SLCO1B1: variants seen among roughly 807,000 people sequenced by gnomAD.
The protein encoded by SLCO1B1 is solute carrier organic anion transporter family member 1B1.
A neutral mutation model predicts 70.1 loss-of-function variants in SLCO1B1; 81 were observed. That is an observed-to-expected ratio of 1.16 (90% CI 0.97 to 1.39). The LOEUF (loss-of-function observed/expected upper bound fraction) is 1.39. SLCO1B1 is among the 40% of genes most tolerant of loss of function. The pLI is 0.00. For missense variants in SLCO1B1, 895 were observed against 799.6 expected (o/e 1.12, Z -1.44); for synonymous variants, 283 against 271.5 (o/e 1.04, Z -0.42).
intron 14 of SLCO1B1, among the ~76,000 whole-genome samples, chr12:21,225,351 T>G (rs906268749): frequency 2.6e-5 from 4 of 152,070 alleles, no homozygotes; most frequent in African/African-American, 4.8e-5. Context: ...TGGGGAGAGA[T>G]ATTCCGTAAG....
At chr12:21,168,480 C>G (rs148075559) in intron 2 of SLCO1B1, among the ~76,000 whole-genome samples, 190 of 152,240 alleles carry the variant, frequency 1.2e-3, no homozygotes, top group African/African-American at 4.5e-3. Context: ...CCTCCAAACT[C>G]TTTTTCATGA....
chr12:21,137,343 T>C (rs887087837), intron 1 of SLCO1B1, among the ~76,000 whole-genome samples: 3 of 152,184 alleles, frequency 2.0e-5, no homozygotes, highest in African/African-American at 7.2e-5. Flanking sequence ...GGAGAACCAC[T>C]GCTCTCTTCA....
intron 11 of SLCO1B1, among the ~76,000 whole-genome samples, chr12:21,211,875 G>A (rs1263977819): frequency 6.6e-6 from 1 of 151,346 alleles, no homozygotes; most frequent in Non-Finnish European, 1.5e-5. Flanking sequence ...TTCTCTGATG[G>A]TAGTTTGTAT....
intron 7 of SLCO1B1, among the ~76,000 whole-genome samples, chr12:21,191,101 T>C (rs1050760135): frequency 3.3e-5 from 5 of 152,198 alleles, no homozygotes; most frequent in African/African-American, 1.2e-4. Context: ...TCTTTCTCAA[T>C]GCTTTTTTGG....
At chr12:21,147,042 TC>T (rs1940395738) in intron 2 of SLCO1B1, among the ~76,000 whole-genome samples, 1 of 152,164 alleles carries the variant, frequency 6.6e-6, no homozygotes, top group South Asian at 2.1e-4. Context: ...CATAGTGTAT[TC>T]ATTTATTTCT....
In SLCO1B1 at chr12:21,152,533, C is replaced by CTTTTTTT. The variant is rs71043250; in HGVS notation, c.84+10887_84+10893dup. ...TTGCTAAGGTGTGGGAGAGGAGAGG[C>CTTTTTTT]TTTTTTTTTTTTTTTTTTGCCTCTG... On this transcript the variant is annotated intron_variant, in intron 2 of 14. Coordinates refer to ENST00000256958, the MANE Select transcript of SLCO1B1 (RefSeq NM_006446.5). 1.7e-3 allele frequency among the ~76,000 whole-genome samples: 57 copies of CTTTTTTT among 34,342 alleles called. 15 individuals carry two copies. Among genetic ancestry groups the CTTTTTTT allele is most frequent in the African/African-American group, 3.4e-3 (32 of 9,524 alleles). The allele number at this position is 34,342 out of a possible 152,430, so 22.5% of individuals were successfully genotyped here.
At chr12:21,146,210 T>C (rs769536648) in intron 2 of SLCO1B1, among the ~76,000 whole-genome samples, 2 of 152,156 alleles carry the variant, frequency 1.3e-5, no homozygotes, top group Non-Finnish European at 2.9e-5. Context: ...GTCTATTTTA[T>C]ATAGGTTATC....
At chr12:21,168,501 A>C (rs995274798) in intron 2 of SLCO1B1, among the ~76,000 whole-genome samples, 8 of 152,144 alleles carry the variant, frequency 5.3e-5, no homozygotes, top group Middle Eastern at 3.2e-3. Flanking sequence ...AAGCTGAACC[A>C]TTTTATATTT....
intron 8 of SLCO1B1, among the ~76,000 whole-genome samples, chr12:21,198,193 C>G (rs372260165): frequency 1.6e-4 from 25 of 152,036 alleles, no homozygotes; most frequent in African/African-American, 6.0e-4. Flanking sequence ...CAGTGGTGTT[C>G]TGGTACTCTT....
chr12:21,184,987 A>C (rs186613298), intron 7 of SLCO1B1, among the ~76,000 whole-genome samples: 1 of 152,324 alleles, frequency 6.6e-6, no homozygotes, highest in Non-Finnish European at 1.5e-5. Flanking sequence ...AACAGACATT[A>C]AACCAAAAAC....
chr12:21,162,508 C>G (rs1439847888), intron 2 of SLCO1B1, among the ~76,000 whole-genome samples: 1 of 152,082 alleles, frequency 6.6e-6, no homozygotes, highest in African/African-American at 2.4e-5. Context: ...AATAAAGCTT[C>G]AGTAAGGAGG....
intron 2 of SLCO1B1, among the ~76,000 whole-genome samples, chr12:21,164,158 T>C (rs1338687601): frequency 4.6e-5 from 7 of 152,160 alleles, no homozygotes; most frequent in Admixed American, 4.6e-4. Context: ...AATCATTCCT[T>C]AGTAAATTTC....
chr12:21,139,435 T>G (rs1940276733), intron 1 of SLCO1B1, among the ~76,000 whole-genome samples: 1 of 152,154 alleles, frequency 6.6e-6, no homozygotes, highest in Non-Finnish European at 1.5e-5. Context: ...TGTATGGGTT[T>G]CTGTATTCAA....
In SLCO1B1 at chr12:21,178,926, A is replaced by G. The variant is rs201722521; in HGVS notation, c.633A>G (p.Ile211Met). Residue 211 changes from isoleucine (I) to methionine (M), a missense_variant, in exon 7 of 15, where the codon ATA (isoleucine) becomes ATG (methionine). Coordinates refer to ENST00000256958, the MANE Select transcript of SLCO1B1 (RefSeq NM_006446.5). ...ATTGCTTTATAATATTTTCAGGTAT[A>G]TTGAATGCAATAGCAATGATTGGTC... ...KEGHSSLYLG[I>M]LNAIAMIGPI... 2,765 of 1,604,758 alleles carry G rather than the reference A, an allele frequency of 1.7e-3. 72 individuals carry two copies. In the South Asian group the frequency reaches 0.029, roughly 17 times the overall value.
intron 6 of SLCO1B1, 51 bp downstream of exon 6, chr12:21,178,773 T>C: frequency 6.6e-7 from 1 of 1,505,130 alleles, no homozygotes; most frequent in Non-Finnish European, 9.2e-7. Context: ...TTTGTCTACT[T>C]TTGAAATAGT....
chr12:21,136,091 G>A (rs1940216850), intron 1 of SLCO1B1, among the ~76,000 whole-genome samples: 1 of 152,198 alleles, frequency 6.6e-6, no homozygotes, highest in Admixed American at 6.5e-5. Flanking sequence ...CACTTATGAA[G>A]CTTCGTTTGG....
intron 1 of SLCO1B1, among the ~76,000 whole-genome samples, chr12:21,139,224 GAAGA>G (rs1940274040): frequency 6.6e-6 from 1 of 151,996 alleles, no homozygotes; most frequent in South Asian, 2.1e-4. Context: ...TTTAAATTAT[GAAGA>G]AAGAGATAGA....
chr12:21,194,558 AT>A (rs1280077477), intron 7 of SLCO1B1, among the ~76,000 whole-genome samples: 1 of 152,060 alleles, frequency 6.6e-6, no homozygotes, highest in Non-Finnish European at 1.5e-5. Context: ...CACGATCTGC[AT>A]TTTGGTCATA....
rs116982034 is a variant in SLCO1B1 at position 21,160,154 on chromosome 12, A to C, written c.85-12496A>C. On this transcript the variant is annotated intron_variant, in intron 2 of 14. Transcript: ENST00000256958. ...ATTTTGAAATTCATACAGAACCAAA[A>C]TGGCCAAATAGCGAAGACAATCTAA... is the stretch of plus-strand genomic sequence containing the variant. Among the ~76,000 whole-genome samples the C allele has an allele frequency of 0.022, 3,366 of 151,642 alleles. 328 individuals carry two copies. The East Asian group carries it at 0.32, about 14-fold the overall frequency.
Sources: gnomAD v4.1 joint callset for allele counts (sites outside exome capture counted in the v4.1 genomes callset) on GRCh38, gnomAD v4.1.1 for gene constraint, MANE v1.5 for transcripts, NCBI Gene and HGNC (gene_info 2026-07-23, HGNC 2026-07-21) for gene names.